EIF4G3: variants seen among roughly 807,000 people sequenced by gnomAD.
EIF4G3 encodes the protein eukaryotic translation initiation factor 4 gamma 3.
In EIF4G3, 34 loss-of-function variants were observed where a neutral mutation model predicts 186.4. That is an observed-to-expected ratio of 0.18 (90% CI 0.14 to 0.24). The LOEUF is 0.24. Among genes scored for constraint, EIF4G3 ranks in the 10% least tolerant of loss-of-function variants. EIF4G3 has a pLI of 1.00. For missense variants in EIF4G3, 1,536 were observed against 1,948.5 expected (o/e 0.79, Z 3.99); for synonymous variants, 673 against 679.5 (o/e 0.99, Z 0.15).
chr1:20,980,377 A>G lies in EIF4G3; in HGVS notation c.450T>C (p.Pro150=). The G allele has an allele frequency of 1.3e-6, 2 of 1,549,804 alleles. No homozygotes were observed. Among genetic ancestry groups the G allele is most frequent in the African/African-American group, 1.4e-5 (1 of 69,708 alleles). ...CCCCAGGTCCTGGTCCAGGATAAAA[A>G]GGACCTGGCCCCGGTGGTTGAACTG... ...QYPVQPPGPG[P]FYPGPGPGDF... The change falls in exon 10 of 37, where the codon CCT becomes CCC. Residue 150 remains proline, a synonymous_variant. Transcript: ENST00000602326.
At chr1:21,151,829 T>G (rs1273891280) in intron 2 of EIF4G3, among the ~76,000 whole-genome samples, 1 of 152,156 alleles carries the variant, frequency 6.6e-6, no homozygotes, top group Non-Finnish European at 1.5e-5. Context: ...TCTGTTACAT[T>G]ACCTAGGGCC....
intron 33 of EIF4G3, among the ~76,000 whole-genome samples, chr1:20,821,775 A>C (rs1417983042): frequency 1.3e-5 from 2 of 152,004 alleles, no homozygotes; most frequent in African/African-American, 4.8e-5. Context: ...TCTATTATGT[A>C]TACTTCTCTA....
intron 2 of EIF4G3, among the ~76,000 whole-genome samples, chr1:21,108,842 G>C (rs67725584): frequency 0.029 from 4,080 of 142,644 alleles, 85 homozygotes; most frequent in Non-Finnish European, 0.038. Flanking sequence ...GACAGAGGTC[G>C]CAGTGAGCTG....
chr1:21,139,818 A>G (rs2097307994), intron 2 of EIF4G3, among the ~76,000 whole-genome samples: 1 of 152,180 alleles, frequency 6.6e-6, no homozygotes, highest in Non-Finnish European at 1.5e-5. Context: ...CTCCTGCTTC[A>G]GCCTCCCGAG....
chr1:20,956,740 A>G (rs567241303), intron 12 of EIF4G3, among the ~76,000 whole-genome samples: 1 of 152,004 alleles, frequency 6.6e-6, no homozygotes, highest in South Asian at 2.1e-4. Flanking sequence ...TAGCATGACC[A>G]CAGCTCACTG....
intron 2 of EIF4G3, among the ~76,000 whole-genome samples, chr1:21,106,959 C>T (rs2096629082): frequency 6.6e-6 from 1 of 152,068 alleles, no homozygotes; most frequent in Non-Finnish European, 1.5e-5. Context: ...TACAGAAAAC[C>T]AGAGAATCAA....
intron 2 of EIF4G3, among the ~76,000 whole-genome samples, chr1:21,170,309 T>C (rs1237273599): frequency 6.6e-6 from 1 of 152,180 alleles, no homozygotes; most frequent in African/African-American, 2.4e-5. Context: ...TCTGCCTTCA[T>C]GGAGTTTACA....
chr1:20,840,883 T>A lies in EIF4G3; in HGVS notation c.4034A>T (p.Lys1345Ile). 1 of 1,614,122 alleles carries A rather than the reference T, an allele frequency of 6.2e-7. No homozygotes were observed. Among genetic ancestry groups the A allele is most frequent in the Non-Finnish European group, 8.5e-7 (1 of 1,180,020 alleles). Residue 1345 changes from lysine (K) to isoleucine (I), a missense_variant, in exon 30 of 37, where the codon AAA becomes ATA. Around this residue, in one of 11 missense-constraint regions of EIF4G3, gnomAD observed 395 missense variants for 498.9 expected, o/e 0.79. Transcript: ENST00000602326. ...TTTGAAAAAGTCCTGTTTGCTGAGT[T>A]TTTCTGACTGTACCAGCTGATAGAG... ...QLLYQLVQSEKLSKQDFFKGF... is the reference protein window; with the variant it reads ...QLLYQLVQSEILSKQDFFKGF...
intron 34 of EIF4G3, among the ~76,000 whole-genome samples, chr1:20,815,029 C>G (rs2154544518): frequency 1.3e-5 from 1 of 74,496 alleles, no homozygotes; most frequent in African/African-American, 4.9e-5. Context: ...GAGTGATCCG[C>G]CAGCCTCGGC....
At chr1:20,866,269 A>G (rs1464145583) in intron 20 of EIF4G3, among the ~76,000 whole-genome samples, 3 of 152,230 alleles carry the variant, frequency 2.0e-5, no homozygotes, top group Non-Finnish European at 4.4e-5. Flanking sequence ...CTGGATGGCT[A>G]GAGAAACTTC....
At chr1:21,063,636 G>A (rs1182949486) in intron 3 of EIF4G3, among the ~76,000 whole-genome samples, 5 of 141,512 alleles carry the variant, frequency 3.5e-5, no homozygotes, top group East Asian at 2.1e-4. Flanking sequence ...GAAGGATCAC[G>A]TTAAAATGGG....
intron 14 of EIF4G3, among the ~76,000 whole-genome samples, chr1:20,939,635 T>C (rs769179277): frequency 1.3e-5 from 2 of 152,206 alleles, no homozygotes; most frequent in Admixed American, 6.5e-5. Flanking sequence ...ATGGTTTGTA[T>C]CTTCAACTTA....
chr1:20,876,593 A>G (rs1182269932), intron 20 of EIF4G3, among the ~76,000 whole-genome samples: 2 of 152,130 alleles, frequency 1.3e-5, no homozygotes, highest in East Asian at 3.8e-4. Flanking sequence ...ATTCACAGTG[A>G]CCATCTGATA....
intron 2 of EIF4G3, among the ~76,000 whole-genome samples, chr1:21,122,004 A>C (rs530267769): frequency 7.9e-5 from 12 of 152,170 alleles, no homozygotes; most frequent in Middle Eastern, 3.4e-3. Flanking sequence ...AGCAACAAAG[A>C]GGTTAGGTGG....
At chr1:20,965,421 G>A (rs1328115153) in intron 12 of EIF4G3, among the ~76,000 whole-genome samples, 1 of 152,068 alleles carries the variant, frequency 6.6e-6, no homozygotes, top group Admixed American at 6.6e-5. Context: ...TGCTGTGCTG[G>A]CATTAACAAT....
chr1:20,873,843 C>A (rs1218385429), intron 20 of EIF4G3, among the ~76,000 whole-genome samples: 1 of 151,926 alleles, frequency 6.6e-6, no homozygotes. Context: ...CTCCCCTCAA[C>A]CCCCATCCCC....
chr1:21,131,961 C>CA, intron 2 of EIF4G3, among the ~76,000 whole-genome samples: 1 of 151,396 alleles, frequency 6.6e-6, no homozygotes, highest in East Asian at 1.9e-4. Context: ...AACAGTGAGA[C>CA]ACTGTCTCAA....
intron 31 of EIF4G3, 64 bp downstream of exon 31, chr1:20,829,083 G>C: frequency 6.4e-7 from 1 of 1,553,206 alleles, no homozygotes; most frequent in Non-Finnish European, 8.8e-7. Flanking sequence ...ATGATAGAGA[G>C]CTAGCAAGTG....
At chr1:20,869,514 G>A (rs886183525) in intron 20 of EIF4G3, among the ~76,000 whole-genome samples, 9 of 151,720 alleles carry the variant, frequency 5.9e-5, no homozygotes, top group Non-Finnish European at 1.0e-4. Context: ...AGTGGCTCAC[G>A]CCTGTAATCC....
Sources: allele counts gnomAD v4.1 joint callset (sites outside exome capture counted in the v4.1 genomes callset), GRCh38; gene constraint gnomAD v4.1.1; regional missense constraint gnomAD v4.1.1; transcripts MANE v1.5; gene names NCBI Gene and HGNC (gene_info 2026-07-23, HGNC 2026-07-21).